Variants in SRPK2 observed in about 807,000 individuals in gnomAD.
The protein encoded by SRPK2 is SFRS protein kinase 2.
In SRPK2, 21 loss-of-function variants were observed where a neutral mutation model predicts 90.8. The ratio of observed to expected loss-of-function variants is 0.23; its 90% CI spans 0.16 to 0.33. The LOEUF is 0.33. Ranked by LOEUF, SRPK2 falls within the 10% of genes least tolerant of loss-of-function variation. The pLI, the probability that SRPK2 is intolerant of heterozygous loss-of-function variation, is 1.00. For missense variants in SRPK2, 620 were observed against 869.0 expected, an observed-to-expected ratio of 0.71 and a Z score of 3.60; for synonymous variants, 288 against 311.1, an observed-to-expected ratio of 0.93 and a Z score of 0.78.
intron 2 of SRPK2, chr7:105,298,817 C>T: frequency 1.0e-6 from 1 of 985,208 alleles, no homozygotes; most frequent in Non-Finnish European, 1.2e-6. Context: ...CTTCACGCAG[C>T]CCTGCATCAC....
chr7:105,392,784 C>A (rs1822214651), upstream of SRPK2, among the ~76,000 whole-genome samples: 1 of 151,582 alleles, frequency 6.6e-6, no homozygotes, highest in Non-Finnish European at 1.5e-5. Context: ...AGGTGTGAAC[C>A]ACTATACCCA....
intron 8 of SRPK2, among the ~76,000 whole-genome samples, chr7:105,145,689 A>G (rs1476691751): frequency 6.6e-6 from 1 of 152,242 alleles, no homozygotes; most frequent in Non-Finnish European, 1.5e-5. Context: ...GTAGATGTAC[A>G]TCGATATTTG....
intron 2 of SRPK2, among the ~76,000 whole-genome samples, chr7:105,236,531 A>T (rs540310654): frequency 2.6e-5 from 4 of 152,310 alleles, no homozygotes; most frequent in African/African-American, 7.2e-5. Context: ...GGGGGAAAAT[A>T]GGTTTTATTC....
chr7:105,390,605 T>G (rs1822140811), upstream of SRPK2, among the ~76,000 whole-genome samples: 1 of 140,820 alleles, frequency 7.1e-6, no homozygotes, highest in Non-Finnish European at 1.5e-5. Context: ...ATTTTTGTTT[T>G]TGTTTTTTTT....
intron 10 of SRPK2, among the ~76,000 whole-genome samples, chr7:105,142,695 A>C (rs542348621): frequency 6.6e-6 from 1 of 152,292 alleles, no homozygotes; most frequent in South Asian, 2.1e-4. Flanking sequence ...TTATAAGAAA[A>C]AGTTAGCTTT....
Position 105,315,075 on chromosome 7 carries a change from G to A in SRPK2, c.71+73573C>T, listed in dbSNP as rs549148070. ...GAAGATCACTTGAGCACAGGAGTTC[G>A]AGACCAGCCTGCACACCATAGGGGA... On this transcript the variant is annotated intron_variant, in intron 2 of 15. Coordinates refer to ENST00000393651, the MANE Select transcript of SRPK2 (RefSeq NM_182692.3). Among the ~76,000 whole-genome samples, 6 of 152,252 alleles carry A rather than the reference G, an allele frequency of 3.9e-5. No individual in the cohort carries two copies. The South Asian group carries it at 1.0e-3, about 26-fold the overall frequency.
At chr7:105,364,149 G>A in intron 2 of SRPK2, among the ~76,000 whole-genome samples, 1 of 152,024 alleles carries the variant, frequency 6.6e-6, no homozygotes. Context: ...AAACCTGCAT[G>A]CTGTGCACAT....
intron 11 of SRPK2, among the ~76,000 whole-genome samples, chr7:105,140,526 A>C (rs1167755144): frequency 6.6e-6 from 1 of 151,506 alleles, no homozygotes; most frequent in Non-Finnish European, 1.5e-5. Flanking sequence ...GCTTGAGTTC[A>C]GGAGGCGGAG....
intron 7 of SRPK2, among the ~76,000 whole-genome samples, chr7:105,149,229 A>G (rs902613820): frequency 6.6e-6 from 1 of 152,168 alleles, no homozygotes; most frequent in African/African-American, 2.4e-5. Flanking sequence ...TTCTCAGATG[A>G]GAGAAAAACC....
chr7:105,231,080 T>A (rs772685394), intron 2 of SRPK2, among the ~76,000 whole-genome samples: 1 of 152,140 alleles, frequency 6.6e-6, no homozygotes, highest in Non-Finnish European at 1.5e-5. Flanking sequence ...TCTCCCTATT[T>A]TCACCCTCCC....
chr7:105,142,957 G>A, intron 10 of SRPK2, 127 bp downstream of exon 10: 1 of 1,234,464 alleles, frequency 8.1e-7, no homozygotes, highest in Non-Finnish European at 1.1e-6. Flanking sequence ...TTCCCAATAG[G>A]GAGTTGGAGA....
chr7:105,179,959 A>T (rs1193767740), intron 3 of SRPK2, among the ~76,000 whole-genome samples: 1 of 152,154 alleles, frequency 6.6e-6, no homozygotes, highest in African/African-American at 2.4e-5. Context: ...AAAACAGTCC[A>T]TGCCCATGGA....
chr7:105,324,759 C>T (rs562145059), intron 2 of SRPK2, among the ~76,000 whole-genome samples: 2 of 152,204 alleles, frequency 1.3e-5, no homozygotes, highest in East Asian at 1.9e-4. Context: ...TGGTGGTGCA[C>T]GCCTGCAATC....
intron 15 of SRPK2, among the ~76,000 whole-genome samples, chr7:105,122,571 G>A (rs1800546112): frequency 6.6e-6 from 1 of 152,096 alleles, no homozygotes; most frequent in African/African-American, 2.4e-5. Context: ...AGGTATTCAG[G>A]AGATAATTTT....
At chr7:105,146,406 A>G in intron 8 of SRPK2, 87 bp downstream of exon 8, 5 of 1,389,034 alleles carry the variant, frequency 3.6e-6, no homozygotes, top group Non-Finnish European at 4.9e-6. Context: ...CTTATGTGTA[A>G]CGTTTGATTC....
chr7:105,256,895 C>T (rs1457984514), intron 2 of SRPK2, among the ~76,000 whole-genome samples: 1 of 152,148 alleles, frequency 6.6e-6, no homozygotes, highest in Non-Finnish European at 1.5e-5. Flanking sequence ...AACCTCTTTA[C>T]CATACCACTC....
intron 2 of SRPK2, among the ~76,000 whole-genome samples, chr7:105,224,971 C>T (rs907283051): frequency 5.3e-5 from 8 of 152,124 alleles, no homozygotes; most frequent in African/African-American, 1.9e-4. Context: ...CTTCCCTTTC[C>T]TTACTGAGCT....
chr7:105,219,804 A>G (rs759240078), intron 2 of SRPK2, among the ~76,000 whole-genome samples: 2 of 152,256 alleles, frequency 1.3e-5, no homozygotes, highest in Non-Finnish European at 2.9e-5. Context: ...TTTAAGAGTA[A>G]TATTTCCTAC....
At chr7:105,348,068 C>CTTTTTTTTTTT (rs770159031) in intron 2 of SRPK2, among the ~76,000 whole-genome samples, 8 of 81,018 alleles carry the variant, frequency 9.9e-5, no homozygotes, top group Non-Finnish European at 1.8e-4. Flanking sequence ...GCTTGGCAAA[C>CTTTTTTTTTTT]TTTTTTTTTT....
Sources: allele counts gnomAD v4.1 joint callset (sites outside exome capture counted in the v4.1 genomes callset), GRCh38; gene constraint gnomAD v4.1.1; transcripts MANE v1.5; gene names NCBI Gene and HGNC (gene_info 2026-07-23, HGNC 2026-07-21).